IMMP2L: variants seen among roughly 807,000 people sequenced by gnomAD.
The protein encoded by IMMP2L is mitochondrial inner membrane protease subunit 2.
IMMP2L carries 18 observed loss-of-function variants against 19.3 expected under a neutral mutation model. That is an observed-to-expected ratio of 0.93 (90% CI 0.64 to 1.38). The LOEUF (loss-of-function observed/expected upper bound fraction) is 1.38, where lower values mean the gene tolerates loss of function less well. IMMP2L is among the 40% of genes most tolerant of loss of function. IMMP2L has a pLI of 0.00. For synonymous variants in IMMP2L, 76 were observed against 73.0 expected, an observed-to-expected ratio of 1.04 and a Z score of -0.21; for missense variants, 233 against 218.2, an observed-to-expected ratio of 1.07 and a Z score of -0.43.
intron 5 of IMMP2L, among the ~76,000 whole-genome samples, chr7:110,825,545 C>T (rs1382549767): frequency 6.6e-6 from 1 of 151,998 alleles, no homozygotes; most frequent in East Asian, 1.9e-4. Flanking sequence ...CATCTACAAC[C>T]ATCTGATCTT....
rs1345895640 is a variant in IMMP2L at position 110,695,896 on chromosome 7, A to G, written c.409-32175T>C. Among the ~76,000 whole-genome samples the G allele has an allele frequency of 2.6e-5, 4 of 152,370 alleles. No homozygotes were observed. The East Asian group carries it at 7.7e-4, about 29-fold the overall frequency. The stretch of plus-strand genomic sequence containing the variant: ...AGGACATATGCTGTGGGAACTGCAC[A>G]GGTTAATAAACTGAAGTCTTTGTCT... On this transcript the variant is annotated intron_variant, in intron 5 of 5. Transcript: ENST00000405709.
chr7:111,019,119 T>G (rs935425267), intron 3 of IMMP2L, among the ~76,000 whole-genome samples: 1 of 152,116 alleles, frequency 6.6e-6, no homozygotes, highest in African/African-American at 2.4e-5. Flanking sequence ...TCTGAGCACC[T>G]AGCATAGTGT....
intron 5 of IMMP2L, among the ~76,000 whole-genome samples, chr7:110,700,582 A>G (rs1244131468): frequency 2.6e-5 from 4 of 152,138 alleles, no homozygotes; most frequent in Admixed American, 2.0e-4. Context: ...AGATTCCCCA[A>G]AATATTTCCC....
intron 3 of IMMP2L, among the ~76,000 whole-genome samples, chr7:111,404,484 C>T (rs910811068): frequency 3.3e-5 from 5 of 152,072 alleles, no homozygotes; most frequent in Admixed American, 6.5e-5. Context: ...CTGAGCACAA[C>T]TCTCAAGACT....
chr7:111,459,089 G>A (rs943224868), intron 3 of IMMP2L, among the ~76,000 whole-genome samples: 1 of 152,154 alleles, frequency 6.6e-6, no homozygotes, highest in South Asian at 2.1e-4. Flanking sequence ...TGTAGCAAAT[G>A]TTTCTAATAC....
At chr7:111,360,026 T>A (rs761394525) in intron 3 of IMMP2L, among the ~76,000 whole-genome samples, 99 of 152,290 alleles carry the variant, frequency 6.5e-4, no homozygotes, top group Middle Eastern at 3.4e-3. Context: ...CAGTATAACA[T>A]CTGTTCACAA....
At position 111,112,326 on chromosome 7, in the gene IMMP2L, C is replaced by A. The variant is rs1449622084; in HGVS notation, c.240-148761G>T. 4.6e-5 allele frequency among the ~76,000 whole-genome samples: 7 copies of A among 152,116 alleles called. No individual in the cohort carries two copies. The East Asian group carries it at 1.2e-3, about 25-fold the overall frequency. ...TAATTTCCACACAGGAACTAAATGACAAAGCTTCACTGACCTAGCATACAT... is the reference window on the plus strand; with the variant it reads ...TAATTTCCACACAGGAACTAAATGAAAAAGCTTCACTGACCTAGCATACAT... On this transcript the variant is annotated intron_variant, in intron 3 of 5. Transcript: ENST00000405709.
chr7:111,561,165 G>A (rs1167627557), intron 1 of IMMP2L, among the ~76,000 whole-genome samples: 1 of 152,122 alleles, frequency 6.6e-6, no homozygotes, highest in African/African-American at 2.4e-5. Context: ...AAGAACCAAT[G>A]AAATAGACCA....
chr7:110,887,948 T>A (rs1689592819), intron 4 of IMMP2L, among the ~76,000 whole-genome samples: 1 of 152,134 alleles, frequency 6.6e-6, no homozygotes, highest in African/African-American at 2.4e-5. Flanking sequence ...TTTGTATGTG[T>A]GCAGAATAAT....
chr7:110,779,240 A>G (rs1357804776), intron 5 of IMMP2L, among the ~76,000 whole-genome samples: 2 of 151,148 alleles, frequency 1.3e-5, no homozygotes, highest in Non-Finnish European at 3.0e-5. Flanking sequence ...AAAGGAAGAG[A>G]TTCTACTAGT....
chr7:111,424,621 T>C (rs1485590184), intron 3 of IMMP2L, among the ~76,000 whole-genome samples: 1 of 151,888 alleles, frequency 6.6e-6, no homozygotes, highest in African/African-American at 2.4e-5. Flanking sequence ...TGTATAGCCA[T>C]GCTACTTAAA....
intron 3 of IMMP2L, among the ~76,000 whole-genome samples, chr7:111,133,192 T>C (rs915771145): frequency 2.0e-5 from 3 of 151,964 alleles, no homozygotes; most frequent in Admixed American, 6.6e-5. Flanking sequence ...TTGACTGCAA[T>C]AGACAAATCT....
intron 3 of IMMP2L, among the ~76,000 whole-genome samples, chr7:111,059,551 G>T: frequency 6.6e-6 from 1 of 152,142 alleles, no homozygotes; most frequent in Non-Finnish European, 1.5e-5. Context: ...TTCATGAGGG[G>T]AGGGGTCTAT....
Position 111,217,122 on chromosome 7 carries a change from T to TCACACACACA in IMMP2L, c.240-253558_240-253557insTGTGTGTGTG, listed in dbSNP as rs1333152322. Among the ~76,000 whole-genome samples, 312 of 140,446 alleles carry TCACACACACA rather than the reference T, an allele frequency of 2.2e-3. 2 individuals are homozygous for TCACACACACA. Among genetic ancestry groups the TCACACACACA allele is most frequent in the African/African-American group, 8.3e-3 (300 of 35,938 alleles). 92.1% of individuals were successfully genotyped at this position (140,446 alleles called of 152,430 possible). A position where few individuals can be genotyped will look rare whatever the true frequency, so the allele number is the denominator to read the frequency against. On this transcript the variant is annotated intron_variant, in intron 3 of 5. Coordinates refer to ENST00000405709, the MANE Select transcript of IMMP2L (RefSeq NM_032549.4). ...GTCTCTCTCTCTCTCTCTCTCTCTC[T>TCACACACACA]CTCTCACACACACACACACACACAC... is the stretch of plus-strand genomic sequence containing the variant.
chr7:110,957,325 T>C (rs1011487948), intron 4 of IMMP2L, among the ~76,000 whole-genome samples: 9 of 152,096 alleles, frequency 5.9e-5, no homozygotes, highest in African/African-American at 1.9e-4. Flanking sequence ...ATACAAATAA[T>C]GTAACTATTT....
intron 3 of IMMP2L, among the ~76,000 whole-genome samples, chr7:111,478,598 G>C (rs151271020): frequency 7.1e-6 from 1 of 139,944 alleles, no homozygotes; most frequent in Non-Finnish European, 1.6e-5. Flanking sequence ...TTTGTTTTTG[G>C]TTAAGTAGAG....
At position 111,123,145 on chromosome 7, in the gene IMMP2L, G is replaced by A. The variant is rs758322925; in HGVS notation, c.240-159580C>T. Reference sequence around the variant, plus strand: ...TCAGCTCCTTTCTGTGTACCTAGAGGAAAACAAACTTACTGAACTGCCTGA... The same window carrying A: ...TCAGCTCCTTTCTGTGTACCTAGAGAAAAACAAACTTACTGAACTGCCTGA... On this transcript the variant is annotated intron_variant, in intron 3 of 5. Coordinates refer to ENST00000405709, the MANE Select transcript of IMMP2L (RefSeq NM_032549.4). This position sits in a 1 kb window ranked among gnomAD's most constrained non-coding sequence, Gnocchi z 6.4. 6.2e-7 allele frequency: 1 copy of A among 1,613,876 alleles called. No individual in the cohort carries two copies. Among genetic ancestry groups the A allele is most frequent in the Non-Finnish European group, 8.5e-7 (1 of 1,179,954 alleles).
intron 3 of IMMP2L, among the ~76,000 whole-genome samples, chr7:111,475,578 G>A (rs1049210006): frequency 6.6e-6 from 1 of 152,058 alleles, no homozygotes; most frequent in African/African-American, 2.4e-5. Flanking sequence ...AGCGGACACT[G>A]TGTTTACCAG....
intron 3 of IMMP2L, among the ~76,000 whole-genome samples, chr7:111,391,676 C>T (rs917849978): frequency 6.6e-6 from 1 of 152,034 alleles, no homozygotes; most frequent in Non-Finnish European, 1.5e-5. Flanking sequence ...GCACTGCCTT[C>T]GTTTTATACA....
Sources: gnomAD v4.1 joint callset for allele counts (sites outside exome capture counted in the v4.1 genomes callset) on GRCh38, gnomAD v4.1.1 for gene constraint, Gnocchi (gnomAD v3.1) non-coding constraint, MANE v1.5 for transcripts, NCBI Gene and HGNC (gene_info 2026-07-23, HGNC 2026-07-21) for gene names.